TMEM131L: variants seen among roughly 807,000 people sequenced by gnomAD.
TMEM131L encodes transmembrane 131 like, also known as transmembrane protein 131-like.
Under a neutral mutation model 192.2 loss-of-function variants are expected in TMEM131L, and 54 were observed. That is an observed-to-expected ratio of 0.28 (90% confidence interval 0.23 to 0.35). The LOEUF (loss-of-function observed/expected upper bound fraction) is 0.35, where lower values mean the gene tolerates loss of function less well. Among genes scored for constraint, TMEM131L ranks in the 10% least tolerant of loss-of-function variants. The pLI is 1.00. For missense variants in TMEM131L, 1,888 were observed against 1,972.9 expected (o/e 0.96, Z 0.82); for synonymous variants, 701 against 704.9 (o/e 0.99, Z 0.09).
intron 3 of TMEM131L, among the ~76,000 whole-genome samples, chr4:153,486,902 T>TGTGCTATGCTGA (rs1260349198): frequency 7.9e-5 from 12 of 152,324 alleles, no homozygotes; most frequent in African/African-American, 2.6e-4. Flanking sequence ...GACAGCAGTG[T>TGTGCTATGCTGA]GTGCTATGCT....
intron 1 of TMEM131L, among the ~76,000 whole-genome samples, chr4:153,466,960 G>T (rs891994512): frequency 1.3e-5 from 2 of 152,096 alleles, no homozygotes; most frequent in African/African-American, 4.8e-5. Context: ...CTCCCACTTC[G>T]TCCCCCCACC....
intron 3 of TMEM131L, among the ~76,000 whole-genome samples, chr4:153,477,811 C>G (rs904176753): frequency 6.6e-6 from 1 of 152,032 alleles, no homozygotes; most frequent in Non-Finnish European, 1.5e-5. Context: ...TTGGTAATAG[C>G]TTGATTGAGA....
At chr4:153,506,935 G>T (rs1048371653) in intron 3 of TMEM131L, among the ~76,000 whole-genome samples, 2 of 152,096 alleles carry the variant, frequency 1.3e-5, no homozygotes, top group Non-Finnish European at 2.9e-5. Context: ...GACCAGAGTG[G>T]GGAATAAAAA....
chr4:153,634,105 A>C, intron 32 of TMEM131L, 87 bp from the exon 33 acceptor site: 1 of 1,101,690 alleles, frequency 9.1e-7, no homozygotes, highest in Admixed American at 1.7e-5. Flanking sequence ...AGTGATTAGG[A>C]TGCTAGGCAG....
chr4:153,541,582 A>G (rs1736781983), intron 3 of TMEM131L, among the ~76,000 whole-genome samples: 2 of 152,218 alleles, frequency 1.3e-5, no homozygotes, highest in African/African-American at 4.8e-5. Context: ...CATCCACGGG[A>G]TGAGGCCTGG....
In TMEM131L at chr4:153,622,992, C is replaced by T. The variant is rs1414162997; in HGVS notation, c.3954C>T (p.Ala1318=). Reference sequence around the variant, plus strand: ...GGAGCTCCTCTGGCAGCGTGCGTGCCAGCCGGGGCAGCTGGGGGAGCTGGA... The same window carrying T: ...GGAGCTCCTCTGGCAGCGTGCGTGCTAGCCGGGGCAGCTGGGGGAGCTGGA... ...DCGSSSGSVR[A]SRGSWGSWSS... The change falls in exon 29 of 35, where the codon GCC becomes GCT. Residue 1318 remains alanine (A), a synonymous_variant. Coordinates refer to ENST00000409959, the MANE Select transcript of TMEM131L (RefSeq NM_001131007.2). 1 of 1,614,186 alleles carries T rather than the reference C, an allele frequency of 6.2e-7. No individual in the cohort carries two copies. Among genetic ancestry groups the T allele is most frequent in the Middle Eastern group, 1.6e-4 (1 of 6,062 alleles).
At chr4:153,489,485 A>AT (rs1264573396) in intron 3 of TMEM131L, among the ~76,000 whole-genome samples, 1 of 152,036 alleles carries the variant, frequency 6.6e-6, no homozygotes, top group African/African-American at 2.4e-5. Context: ...GGGGAGAAGT[A>AT]TTTTTTTCTT....
At chr4:153,588,695 ATGTT>A (rs1356337232) in intron 15 of TMEM131L, among the ~76,000 whole-genome samples, 191 bp from the exon 16 acceptor site, 1 of 152,132 alleles carries the variant, frequency 6.6e-6, no homozygotes, top group Non-Finnish European at 1.5e-5. Flanking sequence ...GTTTTATGAC[ATGTT>A]TGTTTAATTT....
rs569602321 is a variant in TMEM131L, at chr4:153,580,745, A to C, written c.661-81A>C. ...AATAAATGAAAAAGTGTAGTTTCTGAATACTTGATAAATTGTTTATTATTA... is the reference window on the plus strand; with the variant it reads ...AATAAATGAAAAAGTGTAGTTTCTGCATACTTGATAAATTGTTTATTATTA... On this transcript the variant is annotated intron_variant, in intron 7 of 34. Transcript: ENST00000409959. 7 of 777,730 alleles carry C rather than the reference A, an allele frequency of 9.0e-6. No individual in the cohort carries two copies. The East Asian group carries it at 1.0e-4, about 11-fold the overall frequency. 48.2% of individuals were successfully genotyped at this position (777,730 alleles called of 1,614,324 possible). A position where few individuals can be genotyped will look rare whatever the true frequency, so the allele number is the denominator to read the frequency against.
At chr4:153,585,658 G>T in intron 13 of TMEM131L, 47 bp downstream of exon 13, 1 of 1,407,580 alleles carries the variant, frequency 7.1e-7, no homozygotes, top group Non-Finnish European at 9.7e-7. Context: ...TTTAAGCTTT[G>T]TTTAAGGTCA....
At position 153,584,834 on chromosome 4, in the gene TMEM131L, G is replaced by A. The variant is rs73856924; in HGVS notation, c.1061-1G>A. On this transcript the variant is annotated splice_acceptor_variant, in intron 11 of 34. Transcript: ENST00000409959. LOFTEE classifies it high-confidence loss of function. ...CACATTTATTTCTTTATACCACAAAGCAGCTACATCATGTGACAGTGGAAT... is the reference window on the plus strand; with the variant it reads ...CACATTTATTTCTTTATACCACAAAACAGCTACATCATGTGACAGTGGAAT... 79 of 1,611,156 alleles carry A rather than the reference G, an allele frequency of 4.9e-5. No homozygotes were observed. The African/African-American group carries it at 9.3e-4, about 19-fold the overall frequency.
chr4:153,593,848 C>G lies in TMEM131L; in HGVS notation c.1972C>G (p.Leu658Val). ...MINFTTGEFQLTEACPYLGTH... is the reference protein window; with the variant it reads ...MINFTTGEFQVTEACPYLGTH... ...TAATTTCACAACTGGTGAATTCCAGCTCACCGAAGCTTGCCCTTACCTGGT... is the reference window on the plus strand; with the variant it reads ...TAATTTCACAACTGGTGAATTCCAGGTCACCGAAGCTTGCCCTTACCTGGT... The change falls in exon 19 of 35, where the codon CTC (leucine) becomes GTC (valine). Residue 658 changes from leucine to valine, a missense_variant. Physicochemically the swap from Leu to Val is conservative, Grantham distance 32. Transcript: ENST00000409959. The G allele has an allele frequency of 6.2e-7, 1 of 1,613,138 alleles. No individual in the cohort carries two copies. Among genetic ancestry groups the G allele is most frequent in the Non-Finnish European group, 8.5e-7 (1 of 1,179,118 alleles).
intron 7 of TMEM131L, chr4:153,558,578 G>T (rs1035665430): frequency 1.4e-5 from 5 of 355,514 alleles, no homozygotes; most frequent in Non-Finnish European, 2.0e-5. Context: ...TCTTATTGTT[G>T]GTCTTTTGAA....
At chr4:153,512,461 T>G (rs1734419597) in intron 3 of TMEM131L, among the ~76,000 whole-genome samples, 1 of 152,196 alleles carries the variant, frequency 6.6e-6, no homozygotes, top group African/African-American at 2.4e-5. Flanking sequence ...TGATTGGATA[T>G]TTTTAAGTCA....
chr4:153,620,390 C>T (rs868500704), intron 26 of TMEM131L, among the ~76,000 whole-genome samples: 2 of 152,062 alleles, frequency 1.3e-5, no homozygotes, highest in Admixed American at 1.3e-4. Context: ...GAGTTTTTAC[C>T]TAATTTTTCT....
intron 3 of TMEM131L, among the ~76,000 whole-genome samples, chr4:153,514,168 G>T (rs1204478747): frequency 2.0e-5 from 3 of 152,126 alleles, no homozygotes; most frequent in African/African-American, 4.8e-5. Flanking sequence ...AATCTTTGCA[G>T]CTTTGATTTT....
At chr4:153,493,412 G>A (rs1052542844) in intron 3 of TMEM131L, among the ~76,000 whole-genome samples, 2 of 150,334 alleles carry the variant, frequency 1.3e-5, no homozygotes, top group African/African-American at 4.9e-5. Context: ...TGTAATCCCA[G>A]CACTTTGGGA....
chr4:153,627,825 C>G, intron 31 of TMEM131L, 138 bp downstream of exon 31: 1 of 657,998 alleles, frequency 1.5e-6, no homozygotes, highest in Admixed American at 2.7e-5. Context: ...GCAAGCCACA[C>G]GTTCATACAT....
At chr4:153,469,205 A>G (rs949403812) in intron 2 of TMEM131L, among the ~76,000 whole-genome samples, 1 of 152,180 alleles carries the variant, frequency 6.6e-6, no homozygotes, top group African/African-American at 2.4e-5. Context: ...GCTATAATGA[A>G]AGTGAAACTG....
Sources: allele counts gnomAD v4.1 joint callset (sites outside exome capture counted in the v4.1 genomes callset), GRCh38; gene constraint gnomAD v4.1.1; transcripts MANE v1.5; gene names NCBI Gene and HGNC (gene_info 2026-07-23, HGNC 2026-07-21).